The following GRB10 variants were observed in gnomAD, a reference collection of about 807,000 sequenced individuals.
GRB10 encodes growth factor receptor bound protein 10.
In GRB10, 20 loss-of-function variants were observed where a neutral mutation model predicts 80.9. The ratio of observed to expected loss-of-function variants is 0.25; its 90% CI spans 0.17 to 0.36. GRB10 has a LOEUF of 0.36. Among genes scored for constraint, GRB10 ranks in the 10% least tolerant of loss-of-function variants. The probability of loss-of-function intolerance (pLI) is 1.00; values close to 1 mark genes in which losing one functional copy is unlikely to be tolerated. For missense variants in GRB10, 548 were observed against 747.7 expected, an observed-to-expected ratio of 0.73 and a Z score of 3.12; for synonymous variants, 291 against 291.5, an observed-to-expected ratio of 1.00 and a Z score of 0.02.
At chr7:50,789,886 C>T (rs2078843734) in intron 1 of GRB10, among the ~76,000 whole-genome samples, 1 of 152,164 alleles carries the variant, frequency 6.6e-6, no homozygotes, top group Non-Finnish European at 1.5e-5. Context: ...AAAGGACAAT[C>T]ACACCATTTT....
At chr7:50,685,899 C>T (rs1368467651) in intron 5 of GRB10, among the ~76,000 whole-genome samples, 12 of 152,046 alleles carry the variant, frequency 7.9e-5, no homozygotes, top group Admixed American at 7.9e-4. Flanking sequence ...TGCAGTGTAA[C>T]CAGAAAAACA....
chr7:50,737,850 A>AAAAC (rs919738388), intron 3 of GRB10, among the ~76,000 whole-genome samples: 7 of 152,242 alleles, frequency 4.6e-5, no homozygotes, highest in South Asian at 2.1e-4. Flanking sequence ...CTCTACCTCA[A>AAAAC]AAACAAACAA....
At position 50,591,211 on chromosome 7, in the gene GRB10, A is replaced by G. The variant is rs1299478689; in HGVS notation, c.*1741T>C. ...GGTTAAAAACATGTTTTGCTAGAAAATTCTTCATTTGTATACCTTTCATGG... is the reference window on the plus strand; with the variant it reads ...GGTTAAAAACATGTTTTGCTAGAAAGTTCTTCATTTGTATACCTTTCATGG... On this transcript the variant is annotated 3_prime_UTR_variant, in exon 19 of 19. Transcript: ENST00000401949. 6.6e-6 allele frequency: 1 copy of G among 152,252 alleles called. No individual in the cohort carries two copies. The highest frequency in any genetic ancestry group is 1.5e-5 in the Non-Finnish European group (1 of 68,034). The allele number at this position is 152,252 out of a possible 1,614,324, so 9.4% of individuals were successfully genotyped here. A position where few individuals can be genotyped will look rare whatever the true frequency, so the allele number is the denominator to read the frequency against.
chr7:50,725,098 T>C (rs1325124227), intron 4 of GRB10, among the ~76,000 whole-genome samples: 1 of 152,140 alleles, frequency 6.6e-6, no homozygotes, highest in Admixed American at 6.5e-5. Flanking sequence ...TGGCGACTGA[T>C]ATGGTTTGCA....
chr7:50,724,151 T>C (rs1187413228), intron 4 of GRB10, among the ~76,000 whole-genome samples: 2 of 152,088 alleles, frequency 1.3e-5, no homozygotes, highest in African/African-American at 4.8e-5. Context: ...CAATGGGTCA[T>C]AAACGCAAAG....
At chr7:50,620,050 G>A (rs2051407844) in intron 8 of GRB10, among the ~76,000 whole-genome samples, 1 of 152,202 alleles carries the variant, frequency 6.6e-6, no homozygotes, top group African/African-American at 2.4e-5. Context: ...AGTGGAGCGG[G>A]AAGAACTCAG....
intron 3 of GRB10, among the ~76,000 whole-genome samples, chr7:50,751,686 T>C (rs1469531928): frequency 6.6e-6 from 1 of 152,196 alleles, no homozygotes; most frequent in African/African-American, 2.4e-5. Context: ...ACATTTTAAA[T>C]ATGTGCAGTT....
chr7:50,686,803 C>G (rs183422774), intron 5 of GRB10, among the ~76,000 whole-genome samples: 13 of 152,342 alleles, frequency 8.5e-5, no homozygotes, highest in African/African-American at 2.6e-4. Flanking sequence ...GAAACTGAGG[C>G]ACCCAAAAAC....
chr7:50,649,094 C>T (rs983804675), intron 7 of GRB10, among the ~76,000 whole-genome samples: 5 of 152,018 alleles, frequency 3.3e-5, no homozygotes, highest in Admixed American at 2.6e-4. Flanking sequence ...ACAAGGCCAT[C>T]GTCCTTGTAC....
intron 7 of GRB10, among the ~76,000 whole-genome samples, chr7:50,637,309 G>A (rs1272788324): frequency 6.6e-6 from 1 of 152,112 alleles, no homozygotes; most frequent in African/African-American, 2.4e-5. Flanking sequence ...AAGACTCCTA[G>A]ACTTGATAAA....
chr7:50,714,186 A>C (rs2066453372), intron 4 of GRB10, among the ~76,000 whole-genome samples: 1 of 152,234 alleles, frequency 6.6e-6, no homozygotes, highest in African/African-American at 2.4e-5. Flanking sequence ...AATTTGTTAG[A>C]ATAGTCAACA....
intron 2 of GRB10, among the ~76,000 whole-genome samples, chr7:50,758,682 T>A (rs1023585315): frequency 6.6e-6 from 1 of 152,210 alleles, no homozygotes; most frequent in African/African-American, 2.4e-5. Context: ...AGAATACTTT[T>A]AGTTAAACAA....
At chr7:50,652,733 C>T (rs777355893) in intron 7 of GRB10, among the ~76,000 whole-genome samples, 3 of 152,222 alleles carry the variant, frequency 2.0e-5, no homozygotes, top group Admixed American at 6.5e-5. Context: ...GCAGACACCA[C>T]GCAGACTTCG....
chr7:50,768,846 T>G (rs768441781), intron 2 of GRB10, among the ~76,000 whole-genome samples: 2 of 152,232 alleles, frequency 1.3e-5, no homozygotes, highest in South Asian at 2.1e-4. Context: ...CCCTCCACAG[T>G]TGGTAACTTT....
chr7:50,727,347 T>C (rs966815975), intron 4 of GRB10, among the ~76,000 whole-genome samples: 1 of 152,206 alleles, frequency 6.6e-6, no homozygotes, highest in African/African-American at 2.4e-5. Context: ...TACCTGTCTG[T>C]CTCCCTCCAG....
intron 4 of GRB10, among the ~76,000 whole-genome samples, chr7:50,717,404 G>A (rs745947738): frequency 2.4e-4 from 36 of 152,194 alleles, no homozygotes; most frequent in Non-Finnish European, 4.1e-4. Context: ...TGCTCCTAAT[G>A]CTGCCACCGC....
intron 17 of GRB10, among the ~76,000 whole-genome samples, chr7:50,598,128 T>G (rs2153562881): frequency 6.6e-6 from 1 of 152,304 alleles, no homozygotes; most frequent in South Asian, 2.1e-4. Flanking sequence ...CCTCCCAAAG[T>G]GCTGGGATTA....
intron 3 of GRB10, among the ~76,000 whole-genome samples, chr7:50,735,610 T>C (rs1203381056): frequency 6.6e-6 from 1 of 152,110 alleles, no homozygotes; most frequent in Non-Finnish European, 1.5e-5. Flanking sequence ...AAAAAAGTGA[T>C]CTGCTATTCA....
At chr7:50,645,348 C>G (rs1293309681) in intron 7 of GRB10, among the ~76,000 whole-genome samples, 1 of 152,062 alleles carries the variant, frequency 6.6e-6, no homozygotes, top group East Asian at 1.9e-4. Context: ...CCTTGGACTC[C>G]CAGCCTGCTA....
Sources: allele counts gnomAD v4.1 joint callset (sites outside exome capture counted in the v4.1 genomes callset), GRCh38; gene constraint gnomAD v4.1.1; transcripts MANE v1.5; gene names NCBI Gene and HGNC (gene_info 2026-07-23, HGNC 2026-07-21).